The following KCNIP4 variants were observed in gnomAD, a reference collection of about 807,000 sequenced individuals.
KCNIP4 encodes Kv channel-interacting protein 4.
In KCNIP4, 12 loss-of-function variants were observed where a neutral mutation model predicts 34.0. The observed-to-expected ratio is 0.35, with a 90% CI of 0.23 to 0.57. The LOEUF (loss-of-function observed/expected upper bound fraction) is 0.57, where lower values mean the gene tolerates loss of function less well. Among genes scored for constraint, KCNIP4 ranks in the 20% least tolerant of loss-of-function variants. The pLI is 0.83. For missense variants in KCNIP4, 238 were observed against 311.7 expected, an observed-to-expected ratio of 0.76 and a Z score of 1.78; for synonymous variants, 124 against 102.2, an observed-to-expected ratio of 1.21 and a Z score of -1.29.
intron 1 of KCNIP4, among the ~76,000 whole-genome samples, chr4:21,134,863 GCCATAAAC>G (rs1488868146): frequency 6.6e-6 from 1 of 152,156 alleles, no homozygotes; most frequent in Admixed American, 6.6e-5. Flanking sequence ...ATAGCCTTCG[GCCATAAAC>G]ACAGCTAGGA....
intron 1 of KCNIP4, among the ~76,000 whole-genome samples, chr4:20,932,963 A>C (rs943315400): frequency 2.6e-5 from 4 of 152,064 alleles, no homozygotes; most frequent in African/African-American, 9.7e-5. Flanking sequence ...GCAGAGTAGA[A>C]GACCAGGCAC....
chr4:21,922,852 A>T (rs1425871961), intron 1 of KCNIP4, among the ~76,000 whole-genome samples: 1 of 152,216 alleles, frequency 6.6e-6, no homozygotes, highest in Non-Finnish European at 1.5e-5. Context: ...TTCATTTCTC[A>T]ATCCCATACA....
intron 1 of KCNIP4, among the ~76,000 whole-genome samples, chr4:21,786,372 G>A (rs971571578): frequency 4.6e-5 from 7 of 152,218 alleles, no homozygotes; most frequent in African/African-American, 1.7e-4. Context: ...CCCACCAGCA[G>A]TGTAGGAAGA....
intron 1 of KCNIP4, among the ~76,000 whole-genome samples, chr4:21,200,990 A>G (rs2108954124): frequency 6.6e-6 from 1 of 152,258 alleles, no homozygotes; most frequent in African/African-American, 2.4e-5. Context: ...AGAGTACTTA[A>G]GTGACTTGTC....
chr4:21,712,910 G>T (rs1713856622), intron 1 of KCNIP4, among the ~76,000 whole-genome samples: 1 of 152,052 alleles, frequency 6.6e-6, no homozygotes, highest in South Asian at 2.1e-4. Context: ...AAACACCTTG[G>T]AAAGATGAGG....
At chr4:20,855,772 T>C (rs998295527) in intron 2 of KCNIP4, among the ~76,000 whole-genome samples, 2 of 152,180 alleles carry the variant, frequency 1.3e-5, no homozygotes, top group East Asian at 1.9e-4. Flanking sequence ...TATATTATAA[T>C]AACTTATCTG....
chr4:21,386,677 C>T (rs1163835018), intron 1 of KCNIP4, among the ~76,000 whole-genome samples: 1 of 152,126 alleles, frequency 6.6e-6, no homozygotes, highest in Non-Finnish European at 1.5e-5. Context: ...AAACAGATAA[C>T]TAAGGAACAT....
intron 1 of KCNIP4, among the ~76,000 whole-genome samples, chr4:21,389,834 G>A (rs1287930552): frequency 3.9e-5 from 6 of 152,170 alleles, no homozygotes; most frequent in Middle Eastern, 3.4e-3. Flanking sequence ...GGATGGCTGG[G>A]TCAAATGGTA....
At chr4:21,555,750 T>C (rs760896974) in intron 1 of KCNIP4, among the ~76,000 whole-genome samples, 15 of 152,140 alleles carry the variant, frequency 9.9e-5, no homozygotes, top group Non-Finnish European at 1.2e-4. Context: ...ATATTAAATA[T>C]ATTACTATCT....
intron 1 of KCNIP4, among the ~76,000 whole-genome samples, chr4:21,309,997 A>C (rs1175847994): frequency 6.6e-6 from 1 of 152,174 alleles, no homozygotes; most frequent in Non-Finnish European, 1.5e-5. Flanking sequence ...TGTATATTAC[A>C]TGACCAATGG....
At chr4:21,533,291 C>T (rs1435052658) in intron 1 of KCNIP4, among the ~76,000 whole-genome samples, 3 of 152,048 alleles carry the variant, frequency 2.0e-5, no homozygotes, top group Non-Finnish European at 2.9e-5. Flanking sequence ...GTATACAACA[C>T]GATGCTATTC....
At chr4:21,479,460 G>T (rs1731250610) in intron 1 of KCNIP4, among the ~76,000 whole-genome samples, 1 of 152,110 alleles carries the variant, frequency 6.6e-6, no homozygotes, top group Non-Finnish European at 1.5e-5. Context: ...TACACGGCAT[G>T]ATTAAGGCTA....
intron 1 of KCNIP4, among the ~76,000 whole-genome samples, chr4:21,841,953 CAAAGTCTATGCTG>C (rs1305813109): frequency 6.6e-6 from 1 of 152,118 alleles, no homozygotes; most frequent in Non-Finnish European, 1.5e-5. Flanking sequence ...CCTTCAGCAG[CAAAGTCTATGCTG>C]AAGACCACTG....
At chr4:21,263,205 T>C (rs1761584159) in intron 1 of KCNIP4, among the ~76,000 whole-genome samples, 1 of 152,216 alleles carries the variant, frequency 6.6e-6, no homozygotes, top group South Asian at 2.1e-4. Context: ...GAATACACTA[T>C]ATGCCAGGCA....
rs913198472 is a variant in KCNIP4, at chr4:21,430,316, T to C, written c.61+518255A>G. Among the ~76,000 whole-genome samples, 7 of 152,112 alleles carry C rather than the reference T, an allele frequency of 4.6e-5. No individual in the cohort carries two copies. In the East Asian group the frequency reaches 1.4e-3, roughly 30 times the overall value. ...AGTGATAACGGCTTTTACAAATTAC[T>C]TTCCTTCAAAGAGAAGGTAAAAAGA... On this transcript the variant is annotated intron_variant, in intron 1 of 8. Transcript: ENST00000382152.
intron 1 of KCNIP4, among the ~76,000 whole-genome samples, chr4:21,839,762 A>AG (rs373725433): frequency 6.6e-4 from 101 of 152,156 alleles, no homozygotes; most frequent in African/African-American, 2.3e-3. Flanking sequence ...TCTCAAAAAA[A>AG]AGAGAAGAAA....
At chr4:21,338,278 A>AG (rs1373998227) in intron 1 of KCNIP4, among the ~76,000 whole-genome samples, 1 of 151,410 alleles carries the variant, frequency 6.6e-6, no homozygotes, top group Non-Finnish European at 1.5e-5. Context: ...AAAAAAAAAA[A>AG]AAAAAAAAAG....
At chr4:21,675,864 T>C (rs961790335) in intron 1 of KCNIP4, among the ~76,000 whole-genome samples, 3 of 152,176 alleles carry the variant, frequency 2.0e-5, no homozygotes, top group Non-Finnish European at 2.9e-5. Flanking sequence ...TTCAGTGTCA[T>C]GTAAAATCAG....
intron 1 of KCNIP4, among the ~76,000 whole-genome samples, chr4:20,956,481 G>A (rs1368781659): frequency 6.7e-6 from 1 of 149,456 alleles, no homozygotes; most frequent in African/African-American, 2.5e-5. Context: ...CTCCAGCCTG[G>A]GCGACAGTGC....
Sources: allele counts gnomAD v4.1 joint callset (sites outside exome capture counted in the v4.1 genomes callset), GRCh38; gene constraint gnomAD v4.1.1; transcripts MANE v1.5; gene names NCBI Gene and HGNC (gene_info 2026-07-23, HGNC 2026-07-21).